Variants in MRC2 observed in about 807,000 individuals in gnomAD.
MRC2 encodes C-type mannose receptor 2.
Under a neutral mutation model 206.2 loss-of-function variants are expected in MRC2, and 84 were observed. That is an observed-to-expected ratio of 0.41 (90% CI 0.34 to 0.49). The LOEUF is 0.49. Ranked by LOEUF, MRC2 falls within the 20% of genes least tolerant of loss-of-function variation. The pLI is 0.31. For synonymous variants in MRC2, 798 were observed against 800.0 expected, an observed-to-expected ratio of 1.00 and a Z score of 0.04; for missense variants, 1,676 against 2,001.5, an observed-to-expected ratio of 0.84 and a Z score of 3.10.
rs774223219 is a variant in MRC2, at chr17:62,690,147, C to A, written c.3743-9C>A. On this transcript the variant is annotated splice_polypyrimidine_tract_variant and intron_variant, in intron 25 of 29. Transcript: ENST00000303375. ...TGCTGAGCCACTTCTTAATCCTGTACCCCCACAGGGCCCCCTCCTCCCCGA... is the reference window on the plus strand; with the variant it reads ...TGCTGAGCCACTTCTTAATCCTGTAACCCCACAGGGCCCCCTCCTCCCCGA... The A allele has an allele frequency of 1.3e-6, 2 of 1,596,554 alleles. No individual in the cohort carries two copies. The highest frequency in any genetic ancestry group is 8.6e-7 in the Non-Finnish European group (1 of 1,168,874).
chr17:62,646,687 G>C (rs1372793410), intron 1 of MRC2, among the ~76,000 whole-genome samples: 1 of 152,182 alleles, frequency 6.6e-6, no homozygotes, highest in Admixed American at 6.5e-5. Context: ...TCTCGCAGAA[G>C]GATCTTCTTT....
intron 1 of MRC2, among the ~76,000 whole-genome samples, chr17:62,630,050 G>C (rs1240095633): frequency 6.6e-6 from 1 of 152,224 alleles, no homozygotes; most frequent in African/African-American, 2.4e-5. Context: ...AGTCCTCTTT[G>C]TTAGTTGCCA....
chr17:62,631,919 CTTTA>C (rs1028841451), intron 1 of MRC2, among the ~76,000 whole-genome samples: 3 of 152,102 alleles, frequency 2.0e-5, no homozygotes, highest in Non-Finnish European at 2.9e-5. Context: ...ATGGCCTATT[CTTTA>C]TTTGAGACCT....
In MRC2 at chr17:62,671,729, A is replaced by C. The variant is rs1215383515; in HGVS notation, c.1198A>C (p.Lys400Gln). The change falls in exon 7 of 30, where the codon AAG (lysine) becomes CAG (glutamine). Residue 400 changes from lysine (K) to glutamine (Q), a missense_variant. Around this residue, in one of 3 missense-constraint regions of MRC2, gnomAD observed 1,354 missense variants for 1,636.6 expected, o/e 0.83. Transcript: ENST00000303375. The surrounding 1 kb of genome is among the most constrained non-coding windows in gnomAD (Gnocchi z 4.5). ...QGHCYRLQAE[K>Q]RSWQESKKAC... Reference sequence around the variant, plus strand: ...CCACTGCTACCGCCTGCAGGCCGAGAAGCGCAGCTGGCAGGAGTCCAAGAA... The same window carrying C: ...CCACTGCTACCGCCTGCAGGCCGAGCAGCGCAGCTGGCAGGAGTCCAAGAA... The C allele has an allele frequency of 1.2e-6, 2 of 1,613,124 alleles. No individual in the cohort carries two copies. The highest frequency in any genetic ancestry group is 1.7e-6 in the Non-Finnish European group (2 of 1,179,630).
At chr17:62,648,383 C>A (rs996822416) in intron 1 of MRC2, among the ~76,000 whole-genome samples, 1 of 152,224 alleles carries the variant, frequency 6.6e-6, no homozygotes, top group African/African-American at 2.4e-5. Context: ...CCCAGGTCAA[C>A]TCCTCCCGTC....
intron 20 of MRC2, chr17:62,683,856 C>A (rs1275050275): frequency 1.3e-5 from 2 of 150,102 alleles, no homozygotes; most frequent in Admixed American, 1.3e-4. Flanking sequence ...TGGAGTGAGA[C>A]CCTTTCTCCA....
At chr17:62,647,595 T>G (rs1282927354) in intron 1 of MRC2, among the ~76,000 whole-genome samples, 1 of 152,208 alleles carries the variant, frequency 6.6e-6, no homozygotes, top group African/African-American at 2.4e-5. Context: ...TATATTTCCA[T>G]TTACTTAGTC....
In MRC2 at chr17:62,676,538, C is replaced by T. The variant is rs150679031; in HGVS notation, c.1834+7C>T. On this transcript the variant is annotated splice_region_variant and intron_variant, in intron 11 of 29. Transcript: ENST00000303375. Reference sequence around the variant, plus strand: ...TGGAACCGGGACCAGCCCGGTGAGCCCCTTATTTGACTTGCCTTGGTGAAG... The same window carrying T: ...TGGAACCGGGACCAGCCCGGTGAGCTCCTTATTTGACTTGCCTTGGTGAAG... 413 of 1,574,866 alleles carry T rather than the reference C, an allele frequency of 2.6e-4. 2 individuals carry two copies. In the African/African-American group the frequency reaches 4.5e-3, roughly 17 times the overall value.
At chr17:62,670,942 G>T (rs2088819474) in intron 6 of MRC2, among the ~76,000 whole-genome samples, 1 of 152,240 alleles carries the variant, frequency 6.6e-6, no homozygotes. Flanking sequence ...GAGAATAACA[G>T]TGATTCCATT....
In MRC2 at chr17:62,678,566, G is replaced by T; in HGVS notation, c.2115G>T (p.Gln705His). 3 of 1,609,554 alleles carry T rather than the reference G, an allele frequency of 1.9e-6. No individual in the cohort carries two copies. The highest frequency in any genetic ancestry group is 2.5e-6 in the Non-Finnish European group (3 of 1,178,882). ...GGGTCCAGGCCCAGGGGGCCTGCCA[G>T]GAGCTGGGGGCCCAGCTGCTGAGCC... ...KSWVQAQGACQELGAQLLSLA... is the reference protein window; with the variant it reads ...KSWVQAQGACHELGAQLLSLA... Residue 705 changes from glutamine to histidine, a missense_variant, in exon 13 of 30, where the codon CAG becomes CAT. By Grantham distance (24) the Gln-to-His change is conservative. Transcript: ENST00000303375.
chr17:62,661,789 A>G (rs919830350), intron 1 of MRC2: 6 of 152,166 alleles, frequency 3.9e-5, no homozygotes, highest in African/African-American at 1.4e-4. Flanking sequence ...TATTTTTGTC[A>G]TTTATTTGAA....
intron 8 of MRC2, 107 bp from the exon 9 acceptor site, chr17:62,673,956 A>G (rs752812881): frequency 8.6e-5 from 73 of 846,314 alleles, no homozygotes; most frequent in Admixed American, 2.0e-4. Flanking sequence ...TCAGAATCAC[A>G]CAGTAAGTCA....
In MRC2 at chr17:62,691,126, G is replaced by C; in HGVS notation, c.4190G>C (p.Arg1397Pro). ...ATGGGTGTCGTCTGCAAGCTTCCTC[G>C]TGGTGAGCGCCGGGCAGGCCCACGC... ...ITMGVVCKLP[R>P]AEQSSFSPSA... Residue 1397 changes from arginine (R) to proline (P), a missense_variant and splice_region_variant, in exon 28 of 30, where the codon CGT (arginine) becomes CCT (proline). Around this residue, in one of 3 missense-constraint regions of MRC2, gnomAD observed 1,354 missense variants for 1,636.6 expected, o/e 0.83. Transcript: ENST00000303375. 1 of 1,601,910 alleles carries C rather than the reference G, an allele frequency of 6.2e-7. No homozygotes were observed. Among genetic ancestry groups the C allele is most frequent in the Non-Finnish European group, 8.5e-7 (1 of 1,175,430 alleles).
chr17:62,674,185 G>T lies in MRC2; in HGVS notation c.1569+15G>T. 2 of 1,539,666 alleles carry T rather than the reference G, an allele frequency of 1.3e-6. No individual in the cohort carries two copies. Among genetic ancestry groups the T allele is most frequent in the Non-Finnish European group, 8.8e-7 (1 of 1,140,592 alleles). On this transcript the variant is annotated intron_variant, in intron 9 of 29. Coordinates refer to ENST00000303375, the MANE Select transcript of MRC2 (RefSeq NM_006039.5). Reference sequence around the variant, plus strand: ...GCTGCCGGAAGGTGAGGGTGTTTCTGGAGCTGCCCTGAGTGGGGCCACCTG... The same window carrying T: ...GCTGCCGGAAGGTGAGGGTGTTTCTTGAGCTGCCCTGAGTGGGGCCACCTG...
At chr17:62,636,460 G>C (rs1212321466) in intron 1 of MRC2, among the ~76,000 whole-genome samples, 2 of 124,466 alleles carry the variant, frequency 1.6e-5, no homozygotes, top group East Asian at 5.4e-4. Context: ...GTAATCTTCT[G>C]ATTTTTTTTT....
chr17:62,662,935 A>G (rs1465579910), intron 1 of MRC2, among the ~76,000 whole-genome samples: 1 of 152,156 alleles, frequency 6.6e-6, no homozygotes, highest in African/African-American at 2.4e-5. Flanking sequence ...AAAAGAAACA[A>G]AAGAAAATAA....
At chr17:62,639,075 C>T (rs1425708801) in intron 1 of MRC2, among the ~76,000 whole-genome samples, 1 of 152,224 alleles carries the variant, frequency 6.6e-6, no homozygotes, top group Admixed American at 6.5e-5. Context: ...TGGCTCATGC[C>T]TGTAATCCCA....
rs1419334414 is a variant in MRC2, at chr17:62,688,623, G to T, written c.3184G>T (p.Glu1062Ter). ...GATGTATGCCAACTGGGCACCTGGG[G>T]AGCCCTCTGGCCCTAGCCCTGCTCC... ...PLMYANWAPG[E>*]PSGPSPAPSG... Residue 1062 changes from glutamate to a stop codon, truncating the protein, a stop_gained, in exon 22 of 30, where the codon GAG becomes TAG. Coordinates refer to ENST00000303375, the MANE Select transcript of MRC2 (RefSeq NM_006039.5). LOFTEE classifies it high-confidence loss of function. 1.2e-6 allele frequency: 2 copies of T among 1,614,008 alleles called. No individual in the cohort carries two copies. Among genetic ancestry groups the T allele is most frequent in the Non-Finnish European group, 1.7e-6 (2 of 1,180,038 alleles).
chr17:62,666,633 T>C lies in MRC2; in HGVS notation c.859+14T>C. 2 of 1,556,800 alleles carry C rather than the reference T, an allele frequency of 1.3e-6. No individual in the cohort carries two copies. The highest frequency in any genetic ancestry group is 2.3e-5 in the East Asian group (1 of 42,834). ...CCTACATCAACGGTGAGCCGGGGCCTGATGCCTGCTCGTGCCTCTGGAGGG... is the reference window on the plus strand; with the variant it reads ...CCTACATCAACGGTGAGCCGGGGCCCGATGCCTGCTCGTGCCTCTGGAGGG... On this transcript the variant is annotated intron_variant, in intron 4 of 29. Coordinates refer to ENST00000303375, the MANE Select transcript of MRC2 (RefSeq NM_006039.5). This position sits in a 1 kb window ranked among gnomAD's most constrained non-coding sequence, Gnocchi z 5.0.
Sources: gnomAD v4.1 joint callset for allele counts (sites outside exome capture counted in the v4.1 genomes callset) on GRCh38, gnomAD v4.1.1 for gene constraint, gnomAD v4.1.1 regional missense constraint, Gnocchi (gnomAD v3.1) non-coding constraint, MANE v1.5 for transcripts, NCBI Gene and HGNC (gene_info 2026-07-23, HGNC 2026-07-21) for gene names.